The following CLTC variants were observed in gnomAD, a reference collection of about 807,000 sequenced individuals.
CLTC encodes clathrin heavy chain.
Under a neutral mutation model 195.8 loss-of-function variants are expected in CLTC, and 16 were observed. The observed-to-expected ratio is 0.08, with a 90% CI of 0.06 to 0.12. The LOEUF (loss-of-function observed/expected upper bound fraction) is 0.12, where lower values mean the gene tolerates loss of function less well. CLTC is among the 10% of genes least tolerant of loss of function. The probability of loss-of-function intolerance (pLI) is 1.00; values close to 1 mark genes in which losing one functional copy is unlikely to be tolerated. For missense variants in CLTC, 796 were observed against 2,027.0 expected, an observed-to-expected ratio of 0.39 and a Z score of 11.66; for synonymous variants, 667 against 689.4, an observed-to-expected ratio of 0.97 and a Z score of 0.51.
intron 14 of CLTC, among the ~76,000 whole-genome samples, chr17:59,673,222 G>T (rs961589205): frequency 2.0e-5 from 3 of 151,954 alleles, no homozygotes; most frequent in African/African-American, 4.8e-5. Context: ...TGTGGGGAGG[G>T]ATAGAAAATC....
At chr17:59,687,015 G>A in intron 30 of CLTC, 1 of 988,730 alleles carries the variant, frequency 1.0e-6, no homozygotes, top group Non-Finnish European at 1.2e-6. Flanking sequence ...ATGCAATAAA[G>A]GAAAAGGTGA....
At chr17:59,689,460 T>G (rs569067889) in intron 30 of CLTC, 1 of 152,322 alleles carries the variant, frequency 6.6e-6, no homozygotes, top group East Asian at 1.9e-4. Flanking sequence ...ATTTGCCTTT[T>G]TGAAGAACAT....
chr17:59,668,249 G>A (rs566356492), intron 13 of CLTC, among the ~76,000 whole-genome samples: 1 of 152,188 alleles, frequency 6.6e-6, no homozygotes, highest in Non-Finnish European at 1.5e-5. Context: ...CAGGTATTGG[G>A]GTCTTCATTT....
At chr17:59,651,146 G>T (rs2143514771) in intron 4 of CLTC, 57 bp from the exon 5 acceptor site, 1 of 1,053,546 alleles carries the variant, frequency 9.5e-7, no homozygotes. Flanking sequence ...AAATAAAGCT[G>T]CTGTGATCAA....
chr17:59,690,801 T>G (rs989996458), intron 31 of CLTC, 90 bp downstream of exon 31: 1 of 990,586 alleles, frequency 1.0e-6, no homozygotes, highest in Non-Finnish European at 1.5e-6. Context: ...AACAAGCTTC[T>G]AAAGTGCAAA....
At chr17:59,625,097 C>A (rs1167963877) in intron 1 of CLTC, among the ~76,000 whole-genome samples, 2 of 151,514 alleles carry the variant, frequency 1.3e-5, no homozygotes, top group Admixed American at 1.3e-4. Flanking sequence ...TTTTCTAAAT[C>A]TAGTGTGTGT....
chr17:59,687,047 TA>T lies in CLTC; in HGVS notation c.4827+1241del, dbSNP rs555658770. ...GTGAAAGTTGATTCTTTAACATCTT[TA>T]AGTCTGGAGGACTAAGTCTAAGGAA... On this transcript the variant is annotated intron_variant, in intron 30 of 31. Transcript: ENST00000269122. 733 of 983,210 alleles carry T rather than the reference TA, an allele frequency of 7.5e-4. No individual in the cohort carries two copies. The highest frequency in any genetic ancestry group is 8.5e-4 in the Non-Finnish European group (701 of 827,134). The allele number at this position is 983,210 out of a possible 1,614,324, so 60.9% of individuals were successfully genotyped here. A position where few individuals can be genotyped will look rare whatever the true frequency, so the allele number is the denominator to read the frequency against.
At chr17:59,651,354 T>A in intron 5 of CLTC, 38 bp downstream of exon 5, 4 of 1,366,954 alleles carry the variant, frequency 2.9e-6, no homozygotes, top group Non-Finnish European at 4.2e-6. Flanking sequence ...TAAAAATCTC[T>A]CCTCTTAAAA....
At chr17:59,661,118 A>G (rs1441935621) in intron 7 of CLTC, among the ~76,000 whole-genome samples, 1 of 152,180 alleles carries the variant, frequency 6.6e-6, no homozygotes, top group Non-Finnish European at 1.5e-5. Context: ...TTTTATGATT[A>G]TAACTATTCT....
At chr17:59,684,179 G>T (rs2033131787) in intron 28 of CLTC, 194 bp downstream of exon 28, 1 of 527,444 alleles carries the variant, frequency 1.9e-6, no homozygotes, top group Non-Finnish European at 3.4e-6. Flanking sequence ...CTCAGATCTT[G>T]TATAAGATAC....
chr17:59,662,858 T>A (rs558729016), intron 8 of CLTC, among the ~76,000 whole-genome samples: 1 of 152,320 alleles, frequency 6.6e-6, no homozygotes, highest in African/African-American at 2.4e-5. Context: ...AAGGATCACT[T>A]GATGCAAAGA....
At position 59,685,001 on chromosome 17, in the gene CLTC, A is replaced by G. The variant is rs745496552; in HGVS notation, c.4435-55A>G. ...AAGGGGCTCATTGATTGAGAACGGA[A>G]TATAATGTTAAACAAAATACTGATC... is the stretch of plus-strand genomic sequence containing the variant. On this transcript the variant is annotated intron_variant, in intron 28 of 31. Coordinates refer to ENST00000269122, the MANE Select transcript of CLTC (RefSeq NM_004859.4). The surrounding 1 kb of genome is among the most constrained non-coding windows in gnomAD (Gnocchi z 5.0). 2.9e-6 allele frequency: 4 copies of G among 1,400,672 alleles called. No individual in the cohort carries two copies. The Admixed American group carries it at 6.5e-5, about 23-fold the overall frequency. 86.8% of individuals were successfully genotyped at this position (1,400,672 alleles called of 1,614,324 possible). A position where few individuals can be genotyped will look rare whatever the true frequency, so the allele number is the denominator to read the frequency against.
chr17:59,645,771 C>T (rs146073258), intron 2 of CLTC, among the ~76,000 whole-genome samples: 64 of 152,176 alleles, frequency 4.2e-4, no homozygotes, highest in Non-Finnish European at 7.6e-4. Flanking sequence ...CATCTCATCT[C>T]GAGGAAAAAT....
intron 14 of CLTC, among the ~76,000 whole-genome samples, chr17:59,673,288 A>G (rs570656889): frequency 1.3e-5 from 2 of 152,312 alleles, no homozygotes; most frequent in East Asian, 1.9e-4. Context: ...ATGTGACTAT[A>G]GTTATTAAGT....
chr17:59,663,827 T>G lies in CLTC; in HGVS notation c.1369-15T>G. 6.2e-7 allele frequency: 1 copy of G among 1,606,636 alleles called. No homozygotes were observed. Among genetic ancestry groups the G allele is most frequent in the Non-Finnish European group, 8.5e-7 (1 of 1,177,550 alleles). On this transcript the variant is annotated splice_polypyrimidine_tract_variant and intron_variant, in intron 8 of 31. Coordinates refer to ENST00000269122, the MANE Select transcript of CLTC (RefSeq NM_004859.4). ...GTTCATGGATCACTAAACAATCTCT[T>G]TTTCCTTTGGACAGCTGGAATGTTC...
chr17:59,620,730 G>A (rs1005828267), intron 1 of CLTC, among the ~76,000 whole-genome samples: 1 of 152,068 alleles, frequency 6.6e-6, no homozygotes, highest in African/African-American at 2.4e-5. Context: ...GTGGTGAGGC[G>A]GTGGCTTTTC....
chr17:59,690,732 C>CA (rs879736297), intron 31 of CLTC, 21 bp downstream of exon 31: 1 of 1,551,032 alleles, frequency 6.4e-7, no homozygotes, highest in Non-Finnish European at 8.9e-7. Context: ...TCTGTAACCT[C>CA]AAAAAATTCA....
Position 59,668,927 on chromosome 17 carries a change from A to T in CLTC, c.2279A>T (p.Lys760Met). 1 of 1,609,044 alleles carries T rather than the reference A, an allele frequency of 6.2e-7. No homozygotes were observed. The highest frequency in any genetic ancestry group is 8.5e-7 in the Non-Finnish European group (1 of 1,178,546). The stretch of plus-strand genomic sequence containing the variant: ...AACTGCTACGATCCTGAGCGAGTCA[A>T]GAATTTTCTTAAGGTAAGTGGTTTT... ...ESNCYDPERVKNFLKEAKLTD... is the reference protein window; with the variant it reads ...ESNCYDPERVMNFLKEAKLTD... The change falls in exon 14 of 32, where the codon AAG becomes ATG. Residue 760 changes from lysine to methionine, a missense_variant. This residue lies in a region of CLTC where 160 missense variants were observed against 448.2 expected (regional missense o/e 0.36). Transcript: ENST00000269122.
At chr17:59,625,782 G>T (rs568407603) in intron 1 of CLTC, among the ~76,000 whole-genome samples, 1 of 151,880 alleles carries the variant, frequency 6.6e-6, no homozygotes, top group African/African-American at 2.4e-5. Context: ...TTAAAATTAC[G>T]GTAACCACAT....
Sources: gnomAD v4.1 joint callset for allele counts (sites outside exome capture counted in the v4.1 genomes callset) on GRCh38, gnomAD v4.1.1 for gene constraint, gnomAD v4.1.1 regional missense constraint, Gnocchi (gnomAD v3.1) non-coding constraint, MANE v1.5 for transcripts, NCBI Gene and HGNC (gene_info 2026-07-23, HGNC 2026-07-21) for gene names.